SORBS2: variants seen among roughly 807,000 people sequenced by gnomAD.
The protein encoded by SORBS2 is sorbin and SH3 domain containing 2, also known as sorbin and SH3 domain-containing protein 2.
SORBS2 carries 46 observed loss-of-function variants against 97.7 expected under a neutral mutation model. The observed-to-expected ratio is 0.47, with a 90% confidence interval of 0.37 to 0.60. The LOEUF (loss-of-function observed/expected upper bound fraction) is 0.60. Ranked by LOEUF, SORBS2 falls within the 20% of genes least tolerant of loss-of-function variation. SORBS2 has a pLI of 0.00. For synonymous variants in SORBS2, 476 were observed against 473.4 expected (o/e 1.01, Z -0.07); for missense variants, 1,316 against 1,282.3 (o/e 1.03, Z -0.40).
chr4:185,808,735 C>T (rs2099166996), intron 1 of SORBS2, among the ~76,000 whole-genome samples: 1 of 152,168 alleles, frequency 6.6e-6, no homozygotes, highest in African/African-American at 2.4e-5. Flanking sequence ...TAATCTCTTT[C>T]CAGTTCACGA....
chr4:185,908,276 G>A (rs1579428119), intron 1 of SORBS2, among the ~76,000 whole-genome samples: 1 of 47,592 alleles, frequency 2.1e-5, no homozygotes, highest in Non-Finnish European at 3.6e-5. Flanking sequence ...CCATGCAAAG[G>A]CTATATATAT....
intron 1 of SORBS2, among the ~76,000 whole-genome samples, chr4:185,871,211 G>A (rs1295621122): frequency 6.6e-6 from 1 of 152,028 alleles, no homozygotes; most frequent in Non-Finnish European, 1.5e-5. Flanking sequence ...TTAACAAAAA[G>A]TTAGCCAGGT....
intron 1 of SORBS2, among the ~76,000 whole-genome samples, chr4:185,955,070 CTT>C (rs2099278963): frequency 6.6e-6 from 1 of 152,172 alleles, no homozygotes; most frequent in South Asian, 2.1e-4. Flanking sequence ...ATCTGCATGA[CTT>C]ATAAGAGCTT....
At chr4:185,940,064 A>T (rs1397687614) in intron 1 of SORBS2, among the ~76,000 whole-genome samples, 1 of 152,084 alleles carries the variant, frequency 6.6e-6, no homozygotes. Flanking sequence ...GACCTCCTAC[A>T]TCAGTGGCCA....
intron 1 of SORBS2, among the ~76,000 whole-genome samples, chr4:185,903,363 T>C (rs1327157225): frequency 1.3e-5 from 2 of 152,172 alleles, no homozygotes; most frequent in Admixed American, 1.3e-4. Context: ...TGTAGGAGGT[T>C]CTATTATTAC....
At chr4:185,657,568 C>T (rs368330389), upstream of SORBS2, 13 of 1,586,928 alleles carry the variant, frequency 8.2e-6, no homozygotes, top group Middle Eastern at 1.7e-4. Context: ...CCAGAGACTG[C>T]GCATGCTGGG....
intron 2 of SORBS2, among the ~76,000 whole-genome samples, chr4:185,766,969 A>T (rs13112453): frequency 0.26 from 39,488 of 151,820 alleles, 5,386 homozygotes; most frequent in Admixed American, 0.33. Flanking sequence ...GGTCTTTAAA[A>T]TTTTTTTTAA....
At chr4:185,949,535 T>C (rs1274158626) in intron 1 of SORBS2, among the ~76,000 whole-genome samples, 1 of 151,686 alleles carries the variant, frequency 6.6e-6, no homozygotes, top group Non-Finnish European at 1.5e-5. Flanking sequence ...AACCACACTT[T>C]GGAAGAGATT....
At chr4:185,751,912 C>T (rs1159857402) in intron 2 of SORBS2, among the ~76,000 whole-genome samples, 1 of 152,086 alleles carries the variant, frequency 6.6e-6, no homozygotes, top group Non-Finnish European at 1.5e-5. Context: ...TCAACCATGG[C>T]GATTTTGCTC....
chr4:185,621,524 T>C (rs1459750926), intron 7 of SORBS2, among the ~76,000 whole-genome samples: 1 of 152,210 alleles, frequency 6.6e-6, no homozygotes, highest in East Asian at 1.9e-4. Flanking sequence ...AATGAGATTC[T>C]GACACATTTC....
At chr4:185,695,937 G>A (rs957417756) in intron 2 of SORBS2, among the ~76,000 whole-genome samples, 2 of 152,132 alleles carry the variant, frequency 1.3e-5, no homozygotes, top group Admixed American at 6.5e-5. Context: ...CAACAGTAGC[G>A]GCATGACTGT....
At chr4:185,944,947 A>G (rs900459279) in intron 1 of SORBS2, among the ~76,000 whole-genome samples, 31 of 152,222 alleles carry the variant, frequency 2.0e-4, no homozygotes, top group African/African-American at 7.2e-4. Context: ...TGCAGCAGCC[A>G]ACAATTTATA....
intron 2 of SORBS2, among the ~76,000 whole-genome samples, chr4:185,732,524 G>A (rs945538988): frequency 6.6e-6 from 1 of 152,320 alleles, no homozygotes; most frequent in East Asian, 1.9e-4. Context: ...AAATAGCCTG[G>A]ACCACATGGG....
intron 1 of SORBS2, among the ~76,000 whole-genome samples, chr4:185,935,671 A>G (rs1413222637): frequency 6.6e-6 from 1 of 152,230 alleles, no homozygotes; most frequent in Non-Finnish European, 1.5e-5. Flanking sequence ...GAAGCTGTCC[A>G]GTTAAAACCT....
chr4:185,806,479 A>G (rs868709762), intron 1 of SORBS2, among the ~76,000 whole-genome samples: 1 of 94,990 alleles, frequency 1.1e-5, no homozygotes, highest in Admixed American at 1.6e-4. Flanking sequence ...TTTTTTTGAG[A>G]CGGAGTCTCG....
At chr4:185,713,097 C>T (rs1304745238) in intron 2 of SORBS2, among the ~76,000 whole-genome samples, 1 of 152,132 alleles carries the variant, frequency 6.6e-6, no homozygotes, top group East Asian at 1.9e-4. Flanking sequence ...ATCTCCCCTC[C>T]TTTGCTGGCC....
chr4:185,779,794 G>A (rs1251305091), intron 1 of SORBS2, among the ~76,000 whole-genome samples: 2 of 152,148 alleles, frequency 1.3e-5, no homozygotes, highest in Non-Finnish European at 2.9e-5. Flanking sequence ...AGAACAATGT[G>A]TCATTCTCTT....
At chr4:185,701,538 G>T (rs2098262635) in intron 2 of SORBS2, among the ~76,000 whole-genome samples, 1 of 152,176 alleles carries the variant, frequency 6.6e-6, no homozygotes, top group Admixed American at 6.5e-5. Context: ...GCAGCATTTG[G>T]TAAAGGAAAT....
chr4:185,592,790 G>A (rs896278342), intron 13 of SORBS2: 1 of 152,278 alleles, frequency 6.6e-6, no homozygotes, highest in Non-Finnish European at 1.5e-5. Context: ...GAACTCCTGG[G>A]TTTTGGCCTT....
Sources: allele counts gnomAD v4.1 joint callset (sites outside exome capture counted in the v4.1 genomes callset), GRCh38; gene constraint gnomAD v4.1.1; transcripts MANE v1.5; gene names NCBI Gene and HGNC (gene_info 2026-07-23, HGNC 2026-07-21).